Variants in ADGRL2 observed in about 807,000 individuals in gnomAD.
ADGRL2 encodes the protein adhesion G protein-coupled receptor L2.
ADGRL2 carries 44 observed loss-of-function variants against 157.4 expected under a neutral mutation model. The ratio of observed to expected loss-of-function variants is 0.28; its 90% CI spans 0.22 to 0.36. ADGRL2 has a LOEUF of 0.36. ADGRL2 is among the 10% of genes least tolerant of loss of function. The pLI is 1.00. For missense variants in ADGRL2, 1,510 were observed against 1,768.9 expected (o/e 0.85, Z 2.63); for synonymous variants, 585 against 624.7 (o/e 0.94, Z 0.95).
intron 3 of ADGRL2, among the ~76,000 whole-genome samples, chr1:81,633,577 C>G (rs1353099700): frequency 9.0e-6 from 1 of 111,068 alleles, no homozygotes; most frequent in Non-Finnish European, 1.7e-5. Flanking sequence ...GCCTGGGTAA[C>G]AGAGCAAGAC....
At chr1:81,366,137 G>A (rs1557631396) in intron 1 of ADGRL2, among the ~76,000 whole-genome samples, 1 of 151,914 alleles carries the variant, frequency 6.6e-6, no homozygotes, top group South Asian at 2.1e-4. Context: ...TCTTTAGAGA[G>A]TAGCTCTTTC....
intron 1 of ADGRL2, among the ~76,000 whole-genome samples, chr1:81,819,980 T>G (rs2090818069): frequency 6.6e-6 from 1 of 152,176 alleles, no homozygotes; most frequent in Admixed American, 6.6e-5. Flanking sequence ...ATTATATATT[T>G]ATTTTATTGG....
intron 1 of ADGRL2, among the ~76,000 whole-genome samples, chr1:81,398,960 C>T (rs2076704462): frequency 1.3e-5 from 2 of 152,094 alleles, no homozygotes; most frequent in Admixed American, 1.3e-4. Flanking sequence ...AGTCTGTTTT[C>T]ACACTACTAT....
intron 1 of ADGRL2, among the ~76,000 whole-genome samples, chr1:81,822,028 C>CTTTTTTTTTTTTTTT (rs10653806): frequency 8.0e-6 from 1 of 125,190 alleles, no homozygotes; most frequent in African/African-American, 3.1e-5. Context: ...ATATCAGAAA[C>CTTTTTTTTTTTTTTT]TTTTTTTTTT....
chr1:81,479,927 A>C (rs1322888877), intron 2 of ADGRL2, among the ~76,000 whole-genome samples: 1 of 152,244 alleles, frequency 6.6e-6, no homozygotes, highest in Non-Finnish European at 1.5e-5. Context: ...TCAAAATGAT[A>C]CCTTAAGTTG....
chr1:81,764,215 A>G (rs1381254098), intron 2 of ADGRL2, among the ~76,000 whole-genome samples: 2 of 150,358 alleles, frequency 1.3e-5, no homozygotes, highest in South Asian at 4.2e-4. Flanking sequence ...AAAAGTAGAT[A>G]ACTAGGCAAA....
chr1:81,990,287 A>C, intron 23 of ADGRL2, 104 bp from the exon 24 acceptor site: 3 of 1,509,374 alleles, frequency 2.0e-6, no homozygotes, highest in Non-Finnish European at 2.6e-6. Context: ...GCTTTCAAAT[A>C]CAACTTTGTC....
intron 2 of ADGRL2, among the ~76,000 whole-genome samples, chr1:81,553,359 A>G (rs1240421865): frequency 6.6e-6 from 1 of 152,190 alleles, no homozygotes; most frequent in Admixed American, 6.6e-5. Flanking sequence ...AACTTTTAGT[A>G]TCTCCCAAAG....
chr1:81,488,503 C>T (rs1446389987), intron 2 of ADGRL2, among the ~76,000 whole-genome samples: 1 of 148,800 alleles, frequency 6.7e-6, no homozygotes, highest in African/African-American at 2.5e-5. Flanking sequence ...AGTTTTGAAA[C>T]CAGCCTGTGC....
At chr1:81,826,062 A>G (rs991709261) in intron 1 of ADGRL2, among the ~76,000 whole-genome samples, 3 of 152,182 alleles carry the variant, frequency 2.0e-5, no homozygotes, top group Admixed American at 6.5e-5. Flanking sequence ...TGACAGAGCT[A>G]TATTTTACCC....
intron 1 of ADGRL2, among the ~76,000 whole-genome samples, chr1:81,820,980 G>A (rs1033510946): frequency 3.3e-5 from 5 of 152,076 alleles, no homozygotes; most frequent in African/African-American, 1.2e-4. Flanking sequence ...AGTCAGTAGA[G>A]GATCCTTGTC....
At chr1:81,458,723 A>G (rs2077859264) in intron 2 of ADGRL2, among the ~76,000 whole-genome samples, 1 of 152,174 alleles carries the variant, frequency 6.6e-6, no homozygotes, top group South Asian at 2.1e-4. Context: ...CCTGAAAACT[A>G]GGAGATGCCA....
chr1:81,612,282 C>T (rs1335656067), intron 3 of ADGRL2, among the ~76,000 whole-genome samples: 1 of 152,074 alleles, frequency 6.6e-6, no homozygotes, highest in Non-Finnish European at 1.5e-5. Flanking sequence ...GACCCAGTAG[C>T]ACAACTAGAT....
In ADGRL2 at chr1:81,380,017, C is replaced by G. The variant is rs113793417; in HGVS notation, c.-301-65019C>G. Among the ~76,000 whole-genome samples the G allele has an allele frequency of 8.5e-3, 1,298 of 152,248 alleles. 20 individuals carry two copies. Among genetic ancestry groups the G allele is most frequent in the African/African-American group, 0.03 (1,231 of 41,542 alleles). ...GACGTGTCCTTCCCTTCCCAGCACT[C>G]CCTTATCAGTAAAACCTGGCCTTCT... On this transcript the variant is annotated intron_variant, in intron 1 of 24. Coordinates refer to the ADGRL2 transcript ENST00000370721.
chr1:81,930,774 C>A (rs2095213597), intron 3 of ADGRL2, among the ~76,000 whole-genome samples: 1 of 152,078 alleles, frequency 6.6e-6, no homozygotes. Context: ...ACCATTGAAA[C>A]CCTCACCCCC....
At chr1:81,792,853 G>A (rs1171722439) in intron 2 of ADGRL2, among the ~76,000 whole-genome samples, 2 of 151,988 alleles carry the variant, frequency 1.3e-5, no homozygotes, top group Admixed American at 1.3e-4. Flanking sequence ...TGCTGTAAAT[G>A]TTATTATTTG....
At chr1:81,865,707 G>A (rs1194396830) in intron 2 of ADGRL2, among the ~76,000 whole-genome samples, 1 of 152,142 alleles carries the variant, frequency 6.6e-6, no homozygotes, top group Non-Finnish European at 1.5e-5. Flanking sequence ...CACCCTAAAG[G>A]GAAGCAGAGG....
intron 1 of ADGRL2, among the ~76,000 whole-genome samples, chr1:81,444,665 T>C (rs899917360): frequency 2.0e-5 from 3 of 152,196 alleles, no homozygotes; most frequent in Non-Finnish European, 4.4e-5. Flanking sequence ...GCAGGTGGCA[T>C]CAATGGGCTG....
intron 2 of ADGRL2, among the ~76,000 whole-genome samples, chr1:81,486,471 T>TAA (rs1436483749): frequency 6.6e-6 from 1 of 152,138 alleles, no homozygotes; most frequent in Non-Finnish European, 1.5e-5. Context: ...AATATACACA[T>TAA]ACTGAGATTT....
Sources: gnomAD v4.1 joint callset for allele counts (sites outside exome capture counted in the v4.1 genomes callset) on GRCh38, gnomAD v4.1.1 for gene constraint, MANE v1.5 for transcripts, NCBI Gene and HGNC (gene_info 2026-07-23, HGNC 2026-07-21) for gene names.